Variants in LDLRAD4 observed in about 807,000 individuals in gnomAD.
The protein encoded by LDLRAD4 is low-density lipoprotein receptor class A domain-containing protein 4.
A neutral mutation model predicts 17.0 loss-of-function variants in LDLRAD4; 5 were observed. That is an observed-to-expected ratio of 0.29 (90% CI 0.15 to 0.62). The LOEUF is 0.62. Ranked by LOEUF, LDLRAD4 falls within the 20% of genes least tolerant of loss-of-function variation. The pLI is 0.84. For synonymous variants in LDLRAD4, 168 were observed against 171.8 expected (o/e 0.98, Z 0.17); for missense variants, 340 against 424.7 (o/e 0.80, Z 1.75).
At chr18:13,260,420 C>T (rs1284508934) in intron 1 of LDLRAD4, among the ~76,000 whole-genome samples, 1 of 152,252 alleles carries the variant, frequency 6.6e-6, no homozygotes, top group Non-Finnish European at 1.5e-5. Context: ...CCTTTGTGTA[C>T]TGTCATAAAT....
intron 1 of LDLRAD4, among the ~76,000 whole-genome samples, chr18:13,262,935 C>T (rs111770898): frequency 2.5e-5 from 3 of 120,334 alleles, no homozygotes; most frequent in Non-Finnish European, 3.5e-5. Flanking sequence ...GAGTCCCGTG[C>T]GGCCCTGTGC....
At chr18:13,537,326 C>G (rs1453067245) in intron 3 of LDLRAD4, among the ~76,000 whole-genome samples, 2 of 152,148 alleles carry the variant, frequency 1.3e-5, no homozygotes, top group African/African-American at 2.4e-5. Context: ...TTTTTGACAC[C>G]AGGGACCGGT....
At chr18:13,430,959 T>A (rs1335362611) in intron 2 of LDLRAD4, among the ~76,000 whole-genome samples, 1 of 152,186 alleles carries the variant, frequency 6.6e-6, no homozygotes, top group Non-Finnish European at 1.5e-5. Context: ...GTACCATTGA[T>A]CCTCATGAAG....
chr18:13,238,824 TC>T (rs2042470539), intron 1 of LDLRAD4, among the ~76,000 whole-genome samples: 1 of 152,142 alleles, frequency 6.6e-6, no homozygotes, highest in Admixed American at 6.5e-5. Context: ...CTGAGATGCC[TC>T]CTGCTCCTAC....
intron 2 of LDLRAD4, among the ~76,000 whole-genome samples, chr18:13,421,482 C>G (rs2089446793): frequency 6.6e-6 from 1 of 152,180 alleles, no homozygotes; most frequent in South Asian, 2.1e-4. Flanking sequence ...TCCCCACTTC[C>G]TCCTCTAAGG....
rs180759509 is a variant in LDLRAD4, at chr18:13,582,738, G to A, written c.182-38379G>A. ...TTTTAATTTACTTTTCTAGAGACGA[G>A]GTCTCACTCTGTCACCCAGGCTAGA... On this transcript the variant is annotated intron_variant, in intron 3 of 5. Coordinates refer to ENST00000359446, the Ensembl canonical transcript of LDLRAD4. Among the ~76,000 whole-genome samples the A allele has an allele frequency of 2.7e-3, 405 of 152,180 alleles. 3 individuals are homozygous for A. The highest frequency in any genetic ancestry group is 9.2e-3 in the African/African-American group (383 of 41,508).
chr18:13,317,286 G>A (rs1414020829), intron 1 of LDLRAD4, among the ~76,000 whole-genome samples: 1 of 152,160 alleles, frequency 6.6e-6, no homozygotes, highest in East Asian at 1.9e-4. Flanking sequence ...AAGCTCTCAG[G>A]GATAGCTTCA....
chr18:13,285,680 A>G (rs1216448059), intron 1 of LDLRAD4, among the ~76,000 whole-genome samples: 1 of 151,832 alleles, frequency 6.6e-6, no homozygotes, highest in Non-Finnish European at 1.5e-5. Flanking sequence ...TTGTCCTGGG[A>G]TCTGGTTTGC....
At chr18:13,553,061 A>T (rs1383470737) in intron 3 of LDLRAD4, among the ~76,000 whole-genome samples, 1 of 152,188 alleles carries the variant, frequency 6.6e-6, no homozygotes, top group Admixed American at 6.5e-5. Context: ...TTGTTATTTT[A>T]TATTTTTAGT....
intron 2 of LDLRAD4, among the ~76,000 whole-genome samples, chr18:13,437,409 G>A (rs1006552006): frequency 4.6e-5 from 7 of 152,360 alleles, no homozygotes; most frequent in Admixed American, 1.3e-4. Flanking sequence ...GTGCTCAAGT[G>A]TATATAATTG....
intron 1 of LDLRAD4, among the ~76,000 whole-genome samples, chr18:13,290,535 CT>C (rs2045905171): frequency 6.6e-6 from 1 of 151,074 alleles, no homozygotes; most frequent in African/African-American, 2.4e-5. Context: ...GTTTTTCTTT[CT>C]TTATTCTTCA....
At chr18:13,254,138 G>A (rs2043374237) in intron 1 of LDLRAD4, among the ~76,000 whole-genome samples, 1 of 152,262 alleles carries the variant, frequency 6.6e-6, no homozygotes, top group Admixed American at 6.5e-5. Flanking sequence ...CTGGAGGCAG[G>A]TGATGGAGCT....
At chr18:13,231,331 G>T (rs1228870672) in intron 1 of LDLRAD4, among the ~76,000 whole-genome samples, 1 of 152,168 alleles carries the variant, frequency 6.6e-6, no homozygotes, top group Non-Finnish European at 1.5e-5. Context: ...GCTTTTGGGA[G>T]CGGGAGTGAA....
intron 3 of LDLRAD4, chr18:13,611,803 G>A: frequency 1.0e-6 from 1 of 985,748 alleles, no homozygotes; most frequent in Non-Finnish European, 1.2e-6. Flanking sequence ...GGGGGGAAAG[G>A]AGCGCGCAGT....
At chr18:13,476,607 G>A (rs1253752935) in intron 3 of LDLRAD4, among the ~76,000 whole-genome samples, 1 of 138,964 alleles carries the variant, frequency 7.2e-6, no homozygotes, top group African/African-American at 2.5e-5. Flanking sequence ...CTGGGCAACA[G>A]AGCAAGAACC....
At chr18:13,255,299 A>G (rs1266305184) in intron 1 of LDLRAD4, among the ~76,000 whole-genome samples, 1 of 152,156 alleles carries the variant, frequency 6.6e-6, no homozygotes, top group Non-Finnish European at 1.5e-5. Flanking sequence ...GAGGCAGACA[A>G]TGGAAAGGCT....
chr18:13,599,151 TGC>T (rs1290011625), intron 3 of LDLRAD4, among the ~76,000 whole-genome samples: 1 of 152,166 alleles, frequency 6.6e-6, no homozygotes, highest in African/African-American at 2.4e-5. Context: ...TCACTGGAGA[TGC>T]CATAGGCTTT....
rs761142103 is a variant in LDLRAD4, at chr18:13,621,171, T to C, written c.236T>C (p.Val79Ala). The change falls in exon 4 of 6, where the codon GTG becomes GCG. Residue 79 changes from valine (V) to alanine (A), a missense_variant. Coordinates refer to ENST00000359446, the Ensembl canonical transcript of LDLRAD4. The surrounding 1 kb of genome is among the most constrained non-coding windows in gnomAD (Gnocchi z 5.5). ...ATCGTCGTGGTGGTCACGGTGATGG[T>C]GGTGGTCATCGTCTGCCTGCTGAAC... The C allele has an allele frequency of 6.2e-7, 1 of 1,614,134 alleles. No individual in the cohort carries two copies. The highest frequency in any genetic ancestry group is 8.5e-7 in the Non-Finnish European group (1 of 1,180,012).
Position 13,314,582 on chromosome 18 carries a change from C to T in LDLRAD4, c.-383+36394C>T, listed in dbSNP as rs542226763. The stretch of plus-strand genomic sequence containing the variant: ...AGAGGAGGGAAGCTCATGGGCTGAA[C>T]GCAGTGTTCTGTGATGCTTTTCCTC... On this transcript the variant is annotated intron_variant, in intron 1 of 5. Coordinates refer to ENST00000359446, the Ensembl canonical transcript of LDLRAD4. Among the ~76,000 whole-genome samples the T allele has an allele frequency of 2.7e-4, 41 of 152,266 alleles. 1 individual carries two copies. The East Asian group carries it at 3.1e-3, about 11-fold the overall frequency.
Sources: allele counts gnomAD v4.1 joint callset (sites outside exome capture counted in the v4.1 genomes callset), GRCh38; gene constraint gnomAD v4.1.1; non-coding constraint Gnocchi (gnomAD v3.1); transcripts MANE v1.5; gene names NCBI Gene and HGNC (gene_info 2026-07-23, HGNC 2026-07-21).